The following ADGRB3 variants were observed in gnomAD, a reference collection of about 807,000 sequenced individuals.
ADGRB3 encodes the protein brain-specific angiogenesis inhibitor 3.
In ADGRB3, 37 loss-of-function variants were observed where a neutral mutation model predicts 193.4. That is an observed-to-expected ratio of 0.19 (90% CI 0.15 to 0.25). The LOEUF (loss-of-function observed/expected upper bound fraction) is 0.25. Among genes scored for constraint, ADGRB3 ranks in the 10% least tolerant of loss-of-function variants. ADGRB3 has a pLI of 1.00. For missense variants in ADGRB3, 1,637 were observed against 1,852.9 expected (o/e 0.88, Z 2.14); for synonymous variants, 690 against 644.2 (o/e 1.07, Z -1.08).
chr6:68,780,101 A>G (rs1213551982), intron 3 of ADGRB3, among the ~76,000 whole-genome samples: 1 of 152,078 alleles, frequency 6.6e-6, no homozygotes. Flanking sequence ...AGAATAAGAA[A>G]TCATCCTGAG....
At chr6:69,056,942 A>G (rs1412415759) in intron 15 of ADGRB3, among the ~76,000 whole-genome samples, 3 of 152,036 alleles carry the variant, frequency 2.0e-5, no homozygotes, top group Non-Finnish European at 4.4e-5. Context: ...TGTGAATTTT[A>G]TATTTTTTTC....
chr6:69,221,721 T>C (rs56940934), intron 17 of ADGRB3, among the ~76,000 whole-genome samples: 306 of 152,294 alleles, frequency 2.0e-3, no homozygotes, highest in African/African-American at 6.8e-3. Context: ...AGGGCACTTA[T>C]TTTAAATACT....
At chr6:68,702,235 G>C (rs1453482149) in intron 3 of ADGRB3, among the ~76,000 whole-genome samples, 1 of 151,534 alleles carries the variant, frequency 6.6e-6, no homozygotes, top group African/African-American at 2.4e-5. Context: ...AGAGAGGAGA[G>C]GGAGGGAAGT....
At position 69,192,074 on chromosome 6, in the gene ADGRB3, T is replaced by A. The variant is rs535165542; in HGVS notation, c.2481-41216T>A. Among the ~76,000 whole-genome samples the A allele has an allele frequency of 7.9e-5, 12 of 152,246 alleles. No individual in the cohort carries two copies. In the East Asian group the frequency reaches 2.3e-3, roughly 30 times the overall value. Reference sequence around the variant, plus strand: ...TCAGGTTTCTCTAGAGGGATGGAACTAATAGGATGGAAGTATATATAAAAA... The same window carrying A: ...TCAGGTTTCTCTAGAGGGATGGAACAAATAGGATGGAAGTATATATAAAAA... On this transcript the variant is annotated intron_variant, in intron 17 of 31. Transcript: ENST00000370598.
At chr6:69,211,712 C>T (rs188301993) in intron 17 of ADGRB3, among the ~76,000 whole-genome samples, 351 of 152,160 alleles carry the variant, frequency 2.3e-3, no homozygotes, top group African/African-American at 8.0e-3. Context: ...ACTTTTACAG[C>T]TATATTCCCA....
At chr6:68,824,925 C>T (rs1005818305) in intron 3 of ADGRB3, among the ~76,000 whole-genome samples, 11 of 152,136 alleles carry the variant, frequency 7.2e-5, no homozygotes, top group Admixed American at 7.2e-4. Context: ...CGCGATCTCC[C>T]TCACGGCAAC....
In ADGRB3 at chr6:68,790,536, C is replaced by T. The variant is rs185761123; in HGVS notation, c.758-140023C>T. 1.1e-3 allele frequency among the ~76,000 whole-genome samples: 172 copies of T among 152,250 alleles called. 4 individuals carry two copies. The East Asian group carries it at 0.033, about 29-fold the overall frequency. ...CGAGTAGCCTAACTGGGAGGCACCC[C>T]CGAGTAGGGGCAGACTGACACCTCA... On this transcript the variant is annotated intron_variant, in intron 3 of 31. Transcript: ENST00000370598.
chr6:68,638,338 T>C (rs919962815), intron 2 of ADGRB3, among the ~76,000 whole-genome samples: 2 of 152,248 alleles, frequency 1.3e-5, no homozygotes, highest in Non-Finnish European at 2.9e-5. Flanking sequence ...ACTCCATGTT[T>C]TCCCTTTTCA....
chr6:68,789,807 G>T (rs1171706825), intron 3 of ADGRB3, among the ~76,000 whole-genome samples: 5 of 152,010 alleles, frequency 3.3e-5, no homozygotes, highest in Non-Finnish European at 5.9e-5. Context: ...ACATAGATTT[G>T]GTCTTTTCAC....
At chr6:68,898,158 A>C (rs1766293137) in intron 3 of ADGRB3, among the ~76,000 whole-genome samples, 1 of 151,882 alleles carries the variant, frequency 6.6e-6, no homozygotes, top group Non-Finnish European at 1.5e-5. Flanking sequence ...TGTACTTCAG[A>C]CCAAATCCCA....
intron 3 of ADGRB3, among the ~76,000 whole-genome samples, chr6:68,881,933 C>T (rs914407912): frequency 4.6e-5 from 7 of 152,228 alleles, no homozygotes; most frequent in South Asian, 4.1e-4. Context: ...CAACTTACAT[C>T]GAGATTTTTA....
chr6:69,388,537 T>G (rs1191647532), intron 31 of ADGRB3, among the ~76,000 whole-genome samples, 166 bp from the exon 32 acceptor site: 1 of 152,136 alleles, frequency 6.6e-6, no homozygotes, highest in Non-Finnish European at 1.5e-5. Flanking sequence ...TTCAATGAAA[T>G]AAAACTAAAA....
intron 17 of ADGRB3, among the ~76,000 whole-genome samples, chr6:69,226,776 A>G (rs1766025580): frequency 6.6e-6 from 1 of 152,252 alleles, no homozygotes; most frequent in Admixed American, 6.5e-5. Context: ...GGGCTGGTTA[A>G]TTGCGTATAA....
intron 20 of ADGRB3, among the ~76,000 whole-genome samples, chr6:69,241,046 C>A (rs1350481876): frequency 6.6e-6 from 1 of 151,892 alleles, no homozygotes; most frequent in African/African-American, 2.4e-5. Context: ...ACTAGGAAAA[C>A]TGCATGATCC....
chr6:69,149,529 A>G (rs528873034), intron 17 of ADGRB3, among the ~76,000 whole-genome samples: 2 of 152,174 alleles, frequency 1.3e-5, no homozygotes, highest in East Asian at 1.9e-4. Context: ...CTGTCTCTCC[A>G]GGATTGGTCC....
At chr6:68,924,670 A>G (rs1297632749) in intron 3 of ADGRB3, among the ~76,000 whole-genome samples, 1 of 151,974 alleles carries the variant, frequency 6.6e-6, no homozygotes, top group Non-Finnish European at 1.5e-5. Context: ...CATTTGCTTA[A>G]CAGAGTTACG....
intron 20 of ADGRB3, among the ~76,000 whole-genome samples, chr6:69,265,378 C>T (rs935649859): frequency 2.0e-5 from 3 of 151,822 alleles, no homozygotes; most frequent in African/African-American, 4.8e-5. Flanking sequence ...CCCTAGCCCC[C>T]GTCCACAAGA....
chr6:68,844,264 G>A (rs1424045914), intron 3 of ADGRB3, among the ~76,000 whole-genome samples: 6 of 151,716 alleles, frequency 4.0e-5, no homozygotes, highest in African/African-American at 1.5e-4. Flanking sequence ...AAAAATATTT[G>A]CAAACTAACC....
At chr6:69,328,042 T>C (rs1768617228) in intron 22 of ADGRB3, among the ~76,000 whole-genome samples, 153 bp downstream of exon 22, 1 of 152,226 alleles carries the variant, frequency 6.6e-6, no homozygotes, top group East Asian at 1.9e-4. Flanking sequence ...AGCTTAAATC[T>C]ACAAAGGTTA....
Sources: allele counts gnomAD v4.1 joint callset (sites outside exome capture counted in the v4.1 genomes callset), GRCh38; gene constraint gnomAD v4.1.1; transcripts MANE v1.5; gene names NCBI Gene and HGNC (gene_info 2026-07-23, HGNC 2026-07-21).